KIF1B: variants seen among roughly 807,000 people sequenced by gnomAD.
KIF1B encodes the protein kinesin family member 1B, also known as kinesin-like protein KIF1B.
Under a neutral mutation model 241.9 loss-of-function variants are expected in KIF1B, and 76 were observed. That is an observed-to-expected ratio of 0.31 (90% CI 0.26 to 0.38). The LOEUF is 0.38. Ranked by LOEUF, KIF1B falls within the 10% of genes least tolerant of loss-of-function variation. The pLI is 1.00. For synonymous variants in KIF1B, 750 were observed against 796.7 expected, an observed-to-expected ratio of 0.94 and a Z score of 0.99; for missense variants, 1,622 against 2,271.4, an observed-to-expected ratio of 0.71 and a Z score of 5.81.
chr1:10,314,620 A>G (rs1166770666), intron 22 of KIF1B, among the ~76,000 whole-genome samples: 1 of 151,166 alleles, frequency 6.6e-6, no homozygotes, highest in African/African-American at 2.5e-5. Flanking sequence ...GGGTCTCACT[A>G]TGTTGCCCGG....
At chr1:10,350,582 T>C (rs181705093) in intron 37 of KIF1B, among the ~76,000 whole-genome samples, 2 of 152,134 alleles carry the variant, frequency 1.3e-5, no homozygotes, top group East Asian at 1.9e-4. Flanking sequence ...AATAAATAAA[T>C]AAGATATTTT....
Position 10,276,444 on chromosome 1 carries a change from C to G in KIF1B, c.1037+45C>G, listed in dbSNP as rs1448356278. ...GTAACAACATAGACCACATTGCCAT[C>G]AGAAGCCATTTTGTGATACCATGGA... is the stretch of plus-strand genomic sequence containing the variant. On this transcript the variant is annotated intron_variant, in intron 12 of 48. Coordinates refer to ENST00000676179, the MANE Select transcript of KIF1B (RefSeq NM_001365951.3). 8 of 1,371,118 alleles carry G rather than the reference C, an allele frequency of 5.8e-6. No individual in the cohort carries two copies. In the African/African-American group the frequency reaches 1.1e-4, roughly 20 times the overall value. 84.9% of individuals were successfully genotyped at this position (1,371,118 alleles called of 1,614,324 possible). A position where few individuals can be genotyped will look rare whatever the true frequency, so the allele number is the denominator to read the frequency against.
rs913725708 is a variant in KIF1B, at chr1:10,306,454, A to C, written c.2115+9208A>C. On this transcript the variant is annotated intron_variant, in intron 22 of 48. Transcript: ENST00000676179. Reference sequence around the variant, plus strand: ...TACACAATTTATTTTCTAAGATTAAAAATAATAATTGCTAGGTTTGGTGGC... The same window carrying C: ...TACACAATTTATTTTCTAAGATTAACAATAATAATTGCTAGGTTTGGTGGC... 8 of 993,840 alleles carry C rather than the reference A, an allele frequency of 8.0e-6. No homozygotes were observed. In the African/African-American group the frequency reaches 1.2e-4, roughly 15 times the overall value. The allele number at this position is 993,840 out of a possible 1,614,324, so 61.6% of individuals were successfully genotyped here.
intron 44 of KIF1B, among the ~76,000 whole-genome samples, chr1:10,369,100 C>G (rs1401191509): frequency 6.6e-6 from 1 of 152,174 alleles, no homozygotes; most frequent in Non-Finnish European, 1.5e-5. Flanking sequence ...ATTATCACCT[C>G]CTGTGAGTCG....
chr1:10,360,125 T>G (rs1262712432), intron 38 of KIF1B, among the ~76,000 whole-genome samples: 1 of 152,120 alleles, frequency 6.6e-6, no homozygotes, highest in East Asian at 1.9e-4. Context: ...ATTAATCCCT[T>G]CAGATATATC....
chr1:10,337,400 A>C lies in KIF1B; in HGVS notation c.3289A>C (p.Lys1097Gln), dbSNP rs139324914. The C allele has an allele frequency of 6.2e-7, 1 of 1,614,172 alleles. No homozygotes were observed. The highest frequency in any genetic ancestry group is 2.2e-5 in the East Asian group (1 of 44,888). The change falls in exon 31 of 49, where the codon AAG (lysine) becomes CAG (glutamine). Residue 1097 changes from lysine to glutamine, a missense_variant. Physicochemically the swap from Lys to Gln is moderately conservative, Grantham distance 53. Around this residue, in one of 7 missense-constraint regions of KIF1B, gnomAD observed 803 missense variants for 1,112.0 expected, o/e 0.72. Coordinates refer to ENST00000676179, the MANE Select transcript of KIF1B (RefSeq NM_001365951.3). This position sits in a 1 kb window ranked among gnomAD's most constrained non-coding sequence, Gnocchi z 4.0. ...GAAGTCAAGCACTTTGCTGGATGGT[A>C]AGATGGTAATGGAAGGGTTTTCTGA... ...DLKSSTLLDG[K>Q]MVMEGFSEEI...
In KIF1B at chr1:10,376,542, T is replaced by C. The variant is rs1260801276; in HGVS notation, c.5409-3T>C. 6.2e-7 allele frequency: 1 copy of C among 1,613,814 alleles called. No homozygotes were observed. Among genetic ancestry groups the C allele is most frequent in the Non-Finnish European group, 8.5e-7 (1 of 1,179,860 alleles). ...ATCCTACCTCCCCGTTTGTCCCCCA[T>C]AGGTCAAAGCTTTCCCGCAGATGCC... is the stretch of plus-strand genomic sequence containing the variant. On this transcript the variant is annotated splice_polypyrimidine_tract_variant and splice_region_variant and intron_variant, in intron 48 of 48. Coordinates refer to ENST00000676179, the MANE Select transcript of KIF1B (RefSeq NM_001365951.3).
chr1:10,316,426 G>A (rs1025771218), intron 22 of KIF1B, among the ~76,000 whole-genome samples: 3 of 151,488 alleles, frequency 2.0e-5, no homozygotes, highest in Non-Finnish European at 4.4e-5. Context: ...TCTGGGCATG[G>A]ACTTTGGATC....
At position 10,339,748 on chromosome 1, in the gene KIF1B, CTTTTTA is replaced by C; in HGVS notation, c.3423-15_3423-10del. On this transcript the variant is annotated splice_polypyrimidine_tract_variant and intron_variant, in intron 31 of 48. Coordinates refer to ENST00000676179, the MANE Select transcript of KIF1B (RefSeq NM_001365951.3). ...ACCGTTTAATGCATTGTTCACGAGTCTTTTTATTTTTTTTATGAAGCTTTTTGCATC... is the reference window on the plus strand; with the variant it reads ...ACCGTTTAATGCATTGTTCACGAGTCTTTTTTTTATGAAGCTTTTTGCATC... 6.2e-7 allele frequency: 1 copy of C among 1,605,722 alleles called. No homozygotes were observed. The highest frequency in any genetic ancestry group is 1.3e-5 in the African/African-American group (1 of 74,604).
rs992755901 is a variant in KIF1B at position 10,337,703 on chromosome 1, C to T, written c.3422+170C>T. 1.3e-5 allele frequency among the ~76,000 whole-genome samples: 2 copies of T among 152,144 alleles called. No individual in the cohort carries two copies. Among genetic ancestry groups the T allele is most frequent in the Non-Finnish European group, 2.9e-5 (2 of 68,030 alleles). On this transcript the variant is annotated intron_variant, in intron 31 of 48. Transcript: ENST00000676179. The surrounding 1 kb of genome is among the most constrained non-coding windows in gnomAD (Gnocchi z 4.0). ...CTCCTATGGGAGTGAGAACCAGAAA[C>T]CTGTCCTGGAATGCAACAGGGTTCC... is the stretch of plus-strand genomic sequence containing the variant.
intron 44 of KIF1B, among the ~76,000 whole-genome samples, chr1:10,369,913 C>G (rs58697740): frequency 0.24 from 36,466 of 151,206 alleles, 5,095 homozygotes; most frequent in Admixed American, 0.31. Context: ...GCCTGGGCAA[C>G]AAGAGTGAAA....
At chr1:10,334,747 TTGTATG>T (rs1652100712) in intron 28 of KIF1B, 109 bp downstream of exon 28, 1 of 837,624 alleles carries the variant, frequency 1.2e-6, no homozygotes, top group Non-Finnish European at 2.1e-6. Context: ...TGTGGGGAGT[TTGTATG>T]TGTAATATAC....
chr1:10,306,832 G>A, intron 22 of KIF1B: 2 of 1,039,430 alleles, frequency 1.9e-6, no homozygotes, highest in Non-Finnish European at 2.3e-6. Context: ...AGCAAAAATG[G>A]GCTCTCATTT....
intron 1 of KIF1B, among the ~76,000 whole-genome samples, chr1:10,230,436 T>C (rs1646965578): frequency 7.4e-6 from 1 of 135,468 alleles, no homozygotes; most frequent in South Asian, 2.3e-4. Flanking sequence ...TGTTTTTTTT[T>C]TCTTTCTTTT....
chr1:10,226,000 A>AATAAT (rs1284586645), intron 1 of KIF1B, among the ~76,000 whole-genome samples: 3 of 152,324 alleles, frequency 2.0e-5, no homozygotes, highest in African/African-American at 4.8e-5. Flanking sequence ...TGGTAAAGAT[A>AATAAT]ATAAAAAATA....
At position 10,365,457 on chromosome 1, in the gene KIF1B, A is replaced by G; in HGVS notation, c.4561A>G (p.Ser1521Gly). The change falls in exon 43 of 49, where the codon AGC becomes GGC. Residue 1521 changes from serine (S) to glycine (G), a missense_variant. Transcript: ENST00000676179. This position sits in a 1 kb window ranked among gnomAD's most constrained non-coding sequence, Gnocchi z 4.0. The part of the protein sequence containing the change: ...FLLLRERLGD[S>G]IPKSLSDSLS... ...GCTGCTGCGTGAGAGACTTGGTGACAGCATCCCCAAATCCCTGAGCGACTC... is the reference window on the plus strand; with the variant it reads ...GCTGCTGCGTGAGAGACTTGGTGACGGCATCCCCAAATCCCTGAGCGACTC... 6.2e-7 allele frequency: 1 copy of G among 1,614,180 alleles called. No individual in the cohort carries two copies. Among genetic ancestry groups the G allele is most frequent in the Admixed American group, 1.7e-5 (1 of 60,020 alleles).
At chr1:10,295,209 T>C in intron 18 of KIF1B, 44 bp downstream of exon 18, 1 of 1,153,716 alleles carries the variant, frequency 8.7e-7, no homozygotes, top group Non-Finnish European at 1.3e-6. Context: ...GTTTTCCCCC[T>C]CTTAGATAAT....
At chr1:10,243,894 C>T (rs1037982667) in intron 2 of KIF1B, among the ~76,000 whole-genome samples, 2 of 152,136 alleles carry the variant, frequency 1.3e-5, no homozygotes, top group Admixed American at 6.6e-5. Flanking sequence ...AGAGTGAAAT[C>T]TAGGCCTTGC....
At chr1:10,254,745 C>T (rs979335762) in intron 2 of KIF1B, among the ~76,000 whole-genome samples, 3 of 151,644 alleles carry the variant, frequency 2.0e-5, no homozygotes, top group Admixed American at 2.0e-4. Context: ...GGCGTGGTGG[C>T]GGGCGCCTGT....
Sources: gnomAD v4.1 joint callset for allele counts (sites outside exome capture counted in the v4.1 genomes callset) on GRCh38, gnomAD v4.1.1 for gene constraint, gnomAD v4.1.1 regional missense constraint, Gnocchi (gnomAD v3.1) non-coding constraint, MANE v1.5 for transcripts, NCBI Gene and HGNC (gene_info 2026-07-23, HGNC 2026-07-21) for gene names.